Variants in PPP1R1C observed in about 807,000 individuals in gnomAD.
PPP1R1C encodes the protein protein phosphatase 1 regulatory subunit 1C.
Under a neutral mutation model 17.4 loss-of-function variants are expected in PPP1R1C, and 15 were observed. The ratio of observed to expected loss-of-function variants is 0.86; its 90% CI spans 0.58 to 1.33. PPP1R1C has a LOEUF of 1.33. PPP1R1C is among the 40% of genes most tolerant of loss of function. The probability of loss-of-function intolerance (pLI) is 0.00; values close to 1 mark genes in which losing one functional copy is unlikely to be tolerated. For missense variants in PPP1R1C, 143 were observed against 130.0 expected, an observed-to-expected ratio of 1.10 and a Z score of -0.48; for synonymous variants, 35 against 43.1, an observed-to-expected ratio of 0.81 and a Z score of 0.73.
At chr2:182,108,943 C>G (rs146110496) in intron 4 of PPP1R1C, among the ~76,000 whole-genome samples, 30 of 152,300 alleles carry the variant, frequency 2.0e-4, no homozygotes, top group African/African-American at 6.3e-4. Flanking sequence ...GCCAAACTCT[C>G]TCTCAAAGTT....
chr2:181,966,352 T>C (rs1416025990), intron 1 of PPP1R1C, among the ~76,000 whole-genome samples: 1 of 152,190 alleles, frequency 6.6e-6, no homozygotes, highest in Non-Finnish European at 1.5e-5. Flanking sequence ...TGAATAACAG[T>C]GGTGAAAGTG....
At chr2:182,048,873 C>T (rs143036126) in intron 2 of PPP1R1C, 82 of 152,436 alleles carry the variant, frequency 5.4e-4, no homozygotes, top group African/African-American at 1.8e-3. Context: ...ATCTTGGAAG[C>T]TAAGCAGTGT....
At chr2:181,969,634 G>A (rs1684967213) in intron 1 of PPP1R1C, among the ~76,000 whole-genome samples, 2 of 151,918 alleles carry the variant, frequency 1.3e-5, no homozygotes, top group Non-Finnish European at 2.9e-5. Flanking sequence ...TCTTGTACTG[G>A]TATCTTGATA....
upstream of PPP1R1C, among the ~76,000 whole-genome samples, chr2:181,983,034 T>C (rs1685221493): frequency 6.6e-6 from 1 of 152,206 alleles, no homozygotes; most frequent in Non-Finnish European, 1.5e-5. Context: ...TTTGCAATGA[T>C]TGAGTATCTT....
intron 1 of PPP1R1C, among the ~76,000 whole-genome samples, chr2:181,970,212 T>C (rs1409098596): frequency 6.6e-6 from 1 of 152,120 alleles, no homozygotes; most frequent in Non-Finnish European, 1.5e-5. Context: ...TGTCTGGGCG[T>C]TGAAGGATTA....
intron 4 of PPP1R1C, among the ~76,000 whole-genome samples, chr2:182,069,561 A>G (rs2125203595): frequency 6.6e-6 from 1 of 152,278 alleles, no homozygotes; most frequent in Non-Finnish European, 1.5e-5. Context: ...TATTAGGTTA[A>G]AAGGTTTAAA....
chr2:182,029,263 A>G lies in PPP1R1C; in HGVS notation c.143-32179A>G, dbSNP rs867594742. Among the ~76,000 whole-genome samples, 61 of 150,568 alleles carry G rather than the reference A, an allele frequency of 4.1e-4. No homozygotes were observed. In the South Asian group the frequency reaches 9.1e-3, roughly 22 times the overall value. On this transcript the variant is annotated intron_variant, in intron 2 of 4. Transcript: ENST00000682840. ...AATTTGATCCTGTCATTATGATGTT[A>G]GCTGGTTATTTTGCTCGTTAGTTGA...
At chr2:182,056,278 C>T (rs1687682519) in intron 2 of PPP1R1C, among the ~76,000 whole-genome samples, 1 of 152,196 alleles carries the variant, frequency 6.6e-6, no homozygotes, top group African/African-American at 2.4e-5. Context: ...TTGCCTCAGT[C>T]GACTTCTGGA....
intron 2 of PPP1R1C, among the ~76,000 whole-genome samples, chr2:182,011,091 T>C (rs938536454): frequency 6.6e-6 from 1 of 152,082 alleles, no homozygotes; most frequent in Non-Finnish European, 1.5e-5. Flanking sequence ...TTTACTTTGA[T>C]GTGTCTTTGT....
chr2:182,032,174 A>G (rs1177487600), intron 2 of PPP1R1C, among the ~76,000 whole-genome samples: 5 of 152,230 alleles, frequency 3.3e-5, no homozygotes, highest in African/African-American at 1.2e-4. Context: ...GCCAAAAGTC[A>G]AGGGGGCCAT....
intron 2 of PPP1R1C, among the ~76,000 whole-genome samples, chr2:182,034,911 A>G (rs1476334733): frequency 6.6e-6 from 1 of 152,228 alleles, no homozygotes; most frequent in Non-Finnish European, 1.5e-5. Flanking sequence ...TGTTTTATGG[A>G]TTGAACTGTA....
intron 1 of PPP1R1C, among the ~76,000 whole-genome samples, chr2:181,968,726 G>C (rs1331499538): frequency 6.6e-6 from 1 of 152,078 alleles, no homozygotes; most frequent in Non-Finnish European, 1.5e-5. Flanking sequence ...ACTCACTACT[G>C]CCATTTTATT....
rs533614994 is a variant in PPP1R1C at position 181,961,392 on chromosome 2, G to C, written n.111+6758G>C. ...TGACCTTGATGTTCAGCAGAGCCTC[G>C]TACTCCCCGATCTGGTGCTGTCCCT... On this transcript the variant is annotated intron_variant and non_coding_transcript_variant, in intron 1 of 5. Coordinates refer to the PPP1R1C transcript ENST00000464264. This position sits in a 1 kb window ranked among gnomAD's most constrained non-coding sequence, Gnocchi z 5.8. The C allele has an allele frequency of 5.6e-6, 4 of 719,246 alleles. No individual in the cohort carries two copies. The highest frequency in any genetic ancestry group is 3.4e-5 in the African/African-American group (2 of 58,058). The allele number at this position is 719,246 out of a possible 1,614,324, so 44.6% of individuals were successfully genotyped here.
chr2:181,986,451 G>A (rs1685300655), intron 1 of PPP1R1C, among the ~76,000 whole-genome samples: 3 of 151,934 alleles, frequency 2.0e-5, no homozygotes, highest in African/African-American at 7.3e-5. Flanking sequence ...ATTCAGATAT[G>A]GATTCATAAA....
At chr2:182,117,894 A>G (rs1374798318), downstream of PPP1R1C, 1 of 152,160 alleles carries the variant, frequency 6.6e-6, no homozygotes, top group Non-Finnish European at 1.5e-5. Context: ...ACAACACATT[A>G]ATGGTTGATT....
At chr2:182,063,844 C>T (rs926340059) in intron 4 of PPP1R1C, 53 bp downstream of exon 4, 33 of 1,376,494 alleles carry the variant, frequency 2.4e-5, no homozygotes, top group South Asian at 1.9e-4. Context: ...CATGGCTGGT[C>T]GGCCGTCTGT....
At chr2:182,053,804 G>T (rs1209154293) in intron 2 of PPP1R1C, among the ~76,000 whole-genome samples, 3 of 151,418 alleles carry the variant, frequency 2.0e-5, no homozygotes, top group African/African-American at 7.3e-5. Flanking sequence ...TTTTGAGACA[G>T]AATTTTGCTC....
chr2:182,042,987 A>C (rs1687229975), intron 2 of PPP1R1C, among the ~76,000 whole-genome samples: 1 of 152,248 alleles, frequency 6.6e-6, no homozygotes, highest in South Asian at 2.1e-4. Flanking sequence ...ATATTTGTTT[A>C]AAAACTTTCT....
intron 1 of PPP1R1C, among the ~76,000 whole-genome samples, chr2:181,956,778 T>G (rs551691615): frequency 6.6e-6 from 1 of 152,234 alleles, no homozygotes; most frequent in African/African-American, 2.4e-5. Flanking sequence ...AAGTCAGTCA[T>G]GTAATATTTA....
Sources: allele counts gnomAD v4.1 joint callset (sites outside exome capture counted in the v4.1 genomes callset), GRCh38; gene constraint gnomAD v4.1.1; non-coding constraint Gnocchi (gnomAD v3.1); transcripts MANE v1.5; gene names NCBI Gene and HGNC (gene_info 2026-07-23, HGNC 2026-07-21).